The following MGLL variants were observed in gnomAD, a reference collection of about 807,000 sequenced individuals.
The protein encoded by MGLL is lysophospholipase homolog.
In MGLL, 7 loss-of-function variants were observed where a neutral mutation model predicts 29.1. The observed-to-expected ratio is 0.24, with a 90% confidence interval of 0.14 to 0.45. MGLL has a LOEUF of 0.45. Among genes scored for constraint, MGLL ranks in the 20% least tolerant of loss-of-function variants. The probability of loss-of-function intolerance (pLI) is 0.99; values close to 1 mark genes in which losing one functional copy is unlikely to be tolerated. For missense variants in MGLL, 356 were observed against 413.6 expected (o/e 0.86, Z 1.21); for synonymous variants, 148 against 168.3 (o/e 0.88, Z 0.93).
At position 127,692,336 on chromosome 3, in the gene MGLL, G is replaced by T; in HGVS notation, c.817-13C>A. 1 of 1,614,012 alleles carries T rather than the reference G, an allele frequency of 6.2e-7. No individual in the cohort carries two copies. The highest frequency in any genetic ancestry group is 1.1e-5 in the South Asian group (1 of 91,080). ...CACCTTCATAAATCTGCAATGAGGA[G>T]AGACACGGAATCAGAGCTGCACCAT... On this transcript the variant is annotated splice_polypyrimidine_tract_variant and intron_variant, in intron 7 of 7. Transcript: ENST00000265052.
At chr3:127,693,022 A>T (rs2075277260) in intron 7 of MGLL, among the ~76,000 whole-genome samples, 1 of 151,866 alleles carries the variant, frequency 6.6e-6, no homozygotes, top group Non-Finnish European at 1.5e-5. Flanking sequence ...CGGAATTTAC[A>T]TCTCCAGCCA....
intron 6 of MGLL, among the ~76,000 whole-genome samples, chr3:127,697,429 C>T (rs2075390521): frequency 1.3e-5 from 2 of 152,220 alleles, no homozygotes; most frequent in South Asian, 4.1e-4. Flanking sequence ...CATAACTCCC[C>T]TGTATGAGGA....
chr3:127,754,496 G>C (rs2076622151), intron 3 of MGLL, among the ~76,000 whole-genome samples: 1 of 152,218 alleles, frequency 6.6e-6, no homozygotes, highest in Non-Finnish European at 1.5e-5. Context: ...GCGTTAACTG[G>C]ATGAGTACTT....
chr3:127,752,629 T>TG (rs2076580731), intron 3 of MGLL, among the ~76,000 whole-genome samples: 1 of 152,130 alleles, frequency 6.6e-6, no homozygotes, highest in African/African-American at 2.4e-5. Flanking sequence ...TCTGTACATA[T>TG]GCGGCAGATC....
chr3:127,763,437 G>A (rs756988320), intron 3 of MGLL, among the ~76,000 whole-genome samples: 1 of 152,234 alleles, frequency 6.6e-6, no homozygotes, highest in Non-Finnish European at 1.5e-5. Flanking sequence ...GTGGTAGCAC[G>A]GGCCCCTCAG....
chr3:127,795,016 A>G (rs1559975306), intron 2 of MGLL, among the ~76,000 whole-genome samples: 1 of 152,236 alleles, frequency 6.6e-6, no homozygotes, highest in Non-Finnish European at 1.5e-5. Flanking sequence ...CAGCAATCCC[A>G]TTACTGGGTA....
intron 3 of MGLL, chr3:127,735,592 TA>T: frequency 1.7e-6 from 2 of 1,168,302 alleles, no homozygotes; most frequent in Non-Finnish European, 2.4e-6. Context: ...GATAAACACA[TA>T]AAATAAAAAA....
At chr3:127,821,578 G>A (rs1460871809) in intron 2 of MGLL, 116 bp downstream of exon 2, 4 of 1,125,362 alleles carry the variant, frequency 3.6e-6, no homozygotes, top group Non-Finnish European at 4.0e-6. Flanking sequence ...AAAACGGCAG[G>A]GGAAGTAGGT....
At chr3:127,750,858 G>C (rs1302408152) in intron 3 of MGLL, among the ~76,000 whole-genome samples, 1 of 152,248 alleles carries the variant, frequency 6.6e-6, no homozygotes, top group African/African-American at 2.4e-5. Context: ...AGCTGGCTCT[G>C]AATCAGCCCA....
At chr3:127,814,522 T>A (rs898439447) in intron 2 of MGLL, among the ~76,000 whole-genome samples, 10 of 152,254 alleles carry the variant, frequency 6.6e-5, no homozygotes, top group African/African-American at 2.4e-4. Context: ...ATGGACAAAG[T>A]GCATCTGGGA....
At chr3:127,747,244 C>T (rs2076464927) in intron 3 of MGLL, among the ~76,000 whole-genome samples, 1 of 152,188 alleles carries the variant, frequency 6.6e-6, no homozygotes, top group Non-Finnish European at 1.5e-5. Flanking sequence ...CAACCACTCA[C>T]CCATCCTTGC....
intron 3 of MGLL, among the ~76,000 whole-genome samples, chr3:127,737,729 C>G (rs1406316368): frequency 1.4e-5 from 2 of 146,598 alleles, no homozygotes; most frequent in Non-Finnish European, 3.0e-5. Context: ...ACTGCAACCT[C>G]CACCTCCCGG....
chr3:127,727,791 C>T (rs2076075794), intron 3 of MGLL, among the ~76,000 whole-genome samples: 1 of 147,022 alleles, frequency 6.8e-6, no homozygotes, highest in Admixed American at 6.8e-5. Flanking sequence ...TATTTTATCT[C>T]TTTTCTTTTA....
rs1224590652 is a variant in MGLL, at chr3:127,722,448, G to A, written c.381C>T (p.Phe127=). The A allele has an allele frequency of 3.1e-6, 5 of 1,614,116 alleles. No individual in the cohort carries two copies. The highest frequency in any genetic ancestry group is 4.2e-6 in the Non-Finnish European group (5 of 1,180,050). The change falls in exon 4 of 8, where the codon TTC becomes TTT. Residue 127 remains phenylalanine, a synonymous_variant. Coordinates refer to ENST00000265052, the MANE Select transcript of MGLL (RefSeq NM_007283.7). ...MQKDYPGLPV[F]LLGHSMGGAI... Reference sequence around the variant, plus strand: ...TGCTTACCATGGAGTGGCCCAGAAGGAAGACAGGAAGCCCAGGGTAGTCTT... The same window carrying A: ...TGCTTACCATGGAGTGGCCCAGAAGAAAGACAGGAAGCCCAGGGTAGTCTT...
Position 127,817,706 on chromosome 3 carries a change from T to C in MGLL, c.155+3988A>G, listed in dbSNP as rs145440409. 2.4e-3 allele frequency among the ~76,000 whole-genome samples: 373 copies of C among 152,304 alleles called. 3 individuals are homozygous for C. Among genetic ancestry groups the C allele is most frequent in the African/African-American group, 8.2e-3 (339 of 41,546 alleles). ...GTCTAAGTCATCATATTGCACAATG[T>C]TTTCAGACCGCACCCTTCCCTCACC... On this transcript the variant is annotated intron_variant, in intron 2 of 7. Coordinates refer to ENST00000265052, the MANE Select transcript of MGLL (RefSeq NM_007283.7).
chr3:127,747,245 C>T (rs654707), intron 3 of MGLL, among the ~76,000 whole-genome samples: 116,189 of 151,982 alleles, frequency 0.76, 44,543 homozygotes, highest in Middle Eastern at 0.88. Flanking sequence ...AACCACTCAC[C>T]CATCCTTGCA....
chr3:127,815,697 C>T (rs1053568378), intron 2 of MGLL, among the ~76,000 whole-genome samples: 2 of 152,206 alleles, frequency 1.3e-5, no homozygotes, highest in African/African-American at 2.4e-5. Flanking sequence ...GTAGGAGCTG[C>T]GACCCAGCCC....
chr3:127,807,388 T>A (rs1056562798), intron 2 of MGLL, among the ~76,000 whole-genome samples: 1 of 152,170 alleles, frequency 6.6e-6, no homozygotes, highest in Non-Finnish European at 1.5e-5. Flanking sequence ...AGCTGAAGAT[T>A]TATCAATTTT....
chr3:127,708,595 C>T (rs1374194084), intron 6 of MGLL, among the ~76,000 whole-genome samples: 3 of 152,186 alleles, frequency 2.0e-5, no homozygotes, highest in African/African-American at 7.2e-5. Flanking sequence ...CCTCTTTGCC[C>T]GTGTATTTTC....
Sources: allele counts gnomAD v4.1 joint callset (sites outside exome capture counted in the v4.1 genomes callset), GRCh38; gene constraint gnomAD v4.1.1; transcripts MANE v1.5; gene names NCBI Gene and HGNC (gene_info 2026-07-23, HGNC 2026-07-21).